ALDH2: variants seen among roughly 807,000 people sequenced by gnomAD.
The protein encoded by ALDH2 is aldehyde dehydrogenase, mitochondrial.
ALDH2 carries 44 observed loss-of-function variants against 59.6 expected under a neutral mutation model. The observed-to-expected ratio is 0.74, with a 90% CI of 0.58 to 0.95. ALDH2 has a LOEUF of 0.95. ALDH2 is among the 40% of genes least tolerant of loss of function. The probability of loss-of-function intolerance (pLI) is 0.00; values close to 1 mark genes in which losing one functional copy is unlikely to be tolerated. For synonymous variants in ALDH2, 291 were observed against 284.0 expected (o/e 1.02, Z -0.25); for missense variants, 570 against 696.3 (o/e 0.82, Z 2.04).
intron 11 of ALDH2, among the ~76,000 whole-genome samples, chr12:111,802,189 G>A (rs1258075429): frequency 6.6e-6 from 1 of 152,018 alleles, no homozygotes; most frequent in African/African-American, 2.4e-5. Flanking sequence ...CGAAGTAGGT[G>A]GAACATGATG....
At chr12:111,767,898 T>C (rs2068171532) in intron 1 of ALDH2, among the ~76,000 whole-genome samples, 1 of 152,196 alleles carries the variant, frequency 6.6e-6, no homozygotes, top group Non-Finnish European at 1.5e-5. Context: ...TGACTTAAGC[T>C]TTTTCTCCTA....
At position 111,792,105 on chromosome 12, in the gene ALDH2, GA is replaced by G. The variant is rs749630753; in HGVS notation, c.841del (p.Arg281GlufsTer2). 6.2e-7 allele frequency: 1 copy of G among 1,609,500 alleles called. No individual in the cohort carries two copies. Among genetic ancestry groups the G allele is most frequent in the African/African-American group, 1.3e-5 (1 of 74,590 alleles). On this transcript the variant is annotated frameshift_variant, in exon 8 of 13. Transcript: ENST00000261733. LOFTEE classifies it high-confidence loss of function. Reference protein sequence around the residue: ...QVAAGSSNLKRVTLELGGKSP... With the variant: ...QVAAGSSNLKXVTLELGGKSP... Reference sequence around the variant, plus strand: ...TTGCTGCTGGGAGCAGCAACCTCAAGAGAGTGACCTTGGAGCTGGGGGGGAA... The same window carrying G: ...TTGCTGCTGGGAGCAGCAACCTCAAGGAGTGACCTTGGAGCTGGGGGGGAA...
chr12:111,794,744 C>T (rs761901194), intron 9 of ALDH2, among the ~76,000 whole-genome samples: 31 of 151,126 alleles, frequency 2.1e-4, no homozygotes, highest in Non-Finnish European at 2.4e-4. Context: ...TGGGCTCAAG[C>T]AATCCTCCCA....
intron 12 of ALDH2, among the ~76,000 whole-genome samples, chr12:111,808,564 G>T (rs1240661068): frequency 6.6e-6 from 1 of 152,064 alleles, no homozygotes; most frequent in Admixed American, 6.6e-5. Context: ...AATTAGCAAG[G>T]CTTGGTTGCA....
intron 4 of ALDH2, among the ~76,000 whole-genome samples, chr12:111,785,821 C>A (rs1412160724): frequency 6.6e-6 from 1 of 152,170 alleles, no homozygotes; most frequent in African/African-American, 2.4e-5. Context: ...ATGGGAAAAT[C>A]CTTCAATATC....
At chr12:111,784,532 C>T (rs2068296031) in intron 3 of ALDH2, among the ~76,000 whole-genome samples, 1 of 152,220 alleles carries the variant, frequency 6.6e-6, no homozygotes. Flanking sequence ...CAGGTTCTAG[C>T]CTAAAGGGCT....
intron 2 of ALDH2, 120 bp from the exon 3 acceptor site, chr12:111,783,038 G>A (rs903608701): frequency 2.3e-6 from 3 of 1,298,572 alleles, no homozygotes; most frequent in Non-Finnish European, 3.1e-6. Flanking sequence ...TTGTTTACGG[G>A]GCAGGTTTTC....
intron 1 of ALDH2, among the ~76,000 whole-genome samples, chr12:111,770,674 T>G (rs1488735032): frequency 2.0e-5 from 3 of 152,130 alleles, no homozygotes; most frequent in Non-Finnish European, 4.4e-5. Context: ...AGACAGACTC[T>G]TGCTCTGTTG....
chr12:111,802,411 C>CA (rs58247934), intron 11 of ALDH2, among the ~76,000 whole-genome samples: 1,710 of 86,498 alleles, frequency 0.02, 34 homozygotes, highest in African/African-American at 0.047. Flanking sequence ...GACTCTGTCT[C>CA]AAAAAAAAAA....
At chr12:111,805,396 C>G (rs924814800) in intron 12 of ALDH2, among the ~76,000 whole-genome samples, 4 of 152,150 alleles carry the variant, frequency 2.6e-5, no homozygotes, top group African/African-American at 9.7e-5. Context: ...GCCATCACAG[C>G]TCACTGCAGC....
rs1012181722 is a variant in ALDH2, at chr12:111,798,145, T to C, written c.1151T>C (p.Leu384Pro). The C allele has an allele frequency of 6.2e-7, 1 of 1,613,598 alleles. No homozygotes were observed. The highest frequency in any genetic ancestry group is 8.5e-7 in the Non-Finnish European group (1 of 1,179,796). ...INTGKQEGAK[L>P]LCGGGIAADR... ...ACGGGGAAGCAAGAGGGGGCGAAGC[T>C]GCTGTGTGGTGGGGGCATTGCTGCT... The change falls in exon 10 of 13, where the codon CTG becomes CCG. Residue 384 changes from leucine to proline, a missense_variant. Transcript: ENST00000261733.
intron 9 of ALDH2, among the ~76,000 whole-genome samples, chr12:111,794,900 A>G (rs2068390706): frequency 6.6e-6 from 1 of 152,142 alleles, no homozygotes; most frequent in African/African-American, 2.4e-5. Context: ...TTTTTAGTAT[A>G]TTCACAACTT....
In ALDH2 at chr12:111,799,785, A is replaced by C. The variant is rs554938866; in HGVS notation, c.1249-121A>C. The stretch of plus-strand genomic sequence containing the variant: ...TTGATGGCTGTTGTCTTCCCCTGGA[A>C]CTGTTAGAGCATGGCTGGGGGCTTA... On this transcript the variant is annotated intron_variant, in intron 10 of 12. Transcript: ENST00000261733. The C allele has an allele frequency of 2.5e-6, 3 of 1,220,806 alleles. No individual in the cohort carries two copies. In the Admixed American group the frequency reaches 7.5e-5, roughly 31 times the overall value. 75.6% of individuals were successfully genotyped at this position (1,220,806 alleles called of 1,614,324 possible). A position where few individuals can be genotyped will look rare whatever the true frequency, so the allele number is the denominator to read the frequency against.
chr12:111,807,873 C>T (rs1333867207), intron 12 of ALDH2, among the ~76,000 whole-genome samples: 4 of 146,878 alleles, frequency 2.7e-5, no homozygotes, highest in African/African-American at 5.0e-5. Context: ...TTAGGTGGCT[C>T]AATTTTTTTT....
intron 11 of ALDH2, among the ~76,000 whole-genome samples, chr12:111,801,000 A>G (rs2068447440): frequency 6.6e-6 from 1 of 152,252 alleles, no homozygotes; most frequent in South Asian, 2.1e-4. Flanking sequence ...AAAGGAATGA[A>G]GTAGCTGTAT....
intron 1 of ALDH2, among the ~76,000 whole-genome samples, chr12:111,774,059 G>A (rs1463483438): frequency 6.6e-6 from 1 of 152,222 alleles, no homozygotes; most frequent in Non-Finnish European, 1.5e-5. Flanking sequence ...CAAGATAGAG[G>A]TTGCCAAACC....
At chr12:111,771,915 A>G (rs959704027) in intron 1 of ALDH2, among the ~76,000 whole-genome samples, 28 of 152,292 alleles carry the variant, frequency 1.8e-4, no homozygotes, top group African/African-American at 6.3e-4. Flanking sequence ...CCTGACCAAC[A>G]TGGTGAAACC....
intron 11 of ALDH2, 83 bp from the exon 12 acceptor site, chr12:111,803,776 G>A: frequency 2.3e-6 from 2 of 864,876 alleles, no homozygotes; most frequent in Non-Finnish European, 3.2e-6. Context: ...ATAAAATAAA[G>A]ACTTTGGGGC....
chr12:111,808,324 TATGGTG>T (rs1371273268), intron 12 of ALDH2, among the ~76,000 whole-genome samples: 1 of 152,030 alleles, frequency 6.6e-6, no homozygotes, highest in African/African-American at 2.4e-5. Flanking sequence ...AAAACTGGAG[TATGGTG>T]ATGATTGCAC....
Sources: allele counts gnomAD v4.1 joint callset (sites outside exome capture counted in the v4.1 genomes callset), GRCh38; gene constraint gnomAD v4.1.1; transcripts MANE v1.5; gene names NCBI Gene and HGNC (gene_info 2026-07-23, HGNC 2026-07-21).